The following SYN2 variants were observed in gnomAD, a reference collection of about 807,000 sequenced individuals.
SYN2 encodes synapsin II.
A neutral mutation model predicts 50.9 loss-of-function variants in SYN2; 19 were observed. The ratio of observed to expected loss-of-function variants is 0.37; its 90% CI spans 0.26 to 0.55. The LOEUF (loss-of-function observed/expected upper bound fraction) is 0.55, where lower values mean the gene tolerates loss of function less well. Ranked by LOEUF, SYN2 falls within the 20% of genes least tolerant of loss-of-function variation. The pLI is 0.81. For synonymous variants in SYN2, 255 were observed against 224.9 expected, an observed-to-expected ratio of 1.13 and a Z score of -1.20; for missense variants, 587 against 576.4, an observed-to-expected ratio of 1.02 and a Z score of -0.19.
At chr3:12,154,309 A>G in intron 5 of SYN2, 1 of 1,614,208 alleles carries the variant, frequency 6.2e-7, no homozygotes, top group Non-Finnish European at 8.5e-7. Context: ...AAGACTTTGG[A>G]AATGGACATT....
chr3:12,185,761 C>G, intron 11 of SYN2: 1 of 985,790 alleles, frequency 1.0e-6, no homozygotes, highest in Non-Finnish European at 1.2e-6. Flanking sequence ...TCTGGCTATC[C>G]AAGTATCTGC....
Position 12,190,633 on chromosome 3 carries a change from G to A in SYN2, c.*8G>A. ...AGCCTCTTTTCAGATTAGCTCTTCA[G>A]ACACACGGGGCACCCAGCCCAACCG... On this transcript the variant is annotated 3_prime_UTR_variant, in exon 13 of 13. Transcript: ENST00000621198. The A allele has an allele frequency of 6.2e-7, 1 of 1,610,340 alleles. No homozygotes were observed.
At chr3:12,149,230 A>G (rs2125223131) in intron 4 of SYN2, among the ~76,000 whole-genome samples, 1 of 152,356 alleles carries the variant, frequency 6.6e-6, no homozygotes, top group Non-Finnish European at 1.5e-5. Context: ...GTGCCATGCC[A>G]GAGCGTGGGC....
intron 1 of SYN2, among the ~76,000 whole-genome samples, chr3:12,125,927 T>C (rs1363784601): frequency 6.6e-6 from 1 of 151,532 alleles, no homozygotes; most frequent in African/African-American, 2.4e-5. Context: ...ACAGAGGAGA[T>C]TTTTGCATTG....
chr3:12,154,609 A>G (rs182633798), intron 5 of SYN2, among the ~76,000 whole-genome samples: 25 of 152,324 alleles, frequency 1.6e-4, no homozygotes, highest in Non-Finnish European at 3.4e-4. Flanking sequence ...TAAAACTACT[A>G]TAATCTTTCT....
At chr3:12,188,366 A>C (rs1267424588) in intron 12 of SYN2, among the ~76,000 whole-genome samples, 4 of 152,228 alleles carry the variant, frequency 2.6e-5, no homozygotes, top group Non-Finnish European at 5.9e-5. Context: ...TCTCCCACAG[A>C]GGCCTCTGAT....
intron 9 of SYN2, among the ~76,000 whole-genome samples, chr3:12,169,138 C>T (rs756257981): frequency 7.9e-5 from 12 of 152,150 alleles, no homozygotes; most frequent in South Asian, 6.2e-4. Context: ...CACCTCTCCT[C>T]GCTAGGTGGG....
At chr3:12,026,995 A>G (rs1438162431) in intron 1 of SYN2, among the ~76,000 whole-genome samples, 1 of 152,162 alleles carries the variant, frequency 6.6e-6, no homozygotes, top group Non-Finnish European at 1.5e-5. Context: ...AGGGTGTTGG[A>G]TATACGCGTA....
chr3:12,168,190 T>A (rs1254178856), intron 8 of SYN2, among the ~76,000 whole-genome samples, 186 bp from the exon 9 acceptor site: 2 of 151,276 alleles, frequency 1.3e-5, no homozygotes, highest in African/African-American at 4.9e-5. Context: ...CAAAAATGGG[T>A]AGAATCTGGA....
chr3:12,061,223 A>G (rs1195929077), intron 1 of SYN2, among the ~76,000 whole-genome samples: 1 of 152,150 alleles, frequency 6.6e-6, no homozygotes, highest in African/African-American at 2.4e-5. Context: ...ACATTTAAGA[A>G]TGTGAGATAT....
chr3:12,058,076 G>T (rs1225344646), intron 1 of SYN2, among the ~76,000 whole-genome samples: 2 of 152,080 alleles, frequency 1.3e-5, no homozygotes, highest in Non-Finnish European at 2.9e-5. Context: ...CTTTTCAAAT[G>T]TCCATATTTA....
chr3:12,159,782 C>T (rs963969842), intron 5 of SYN2, among the ~76,000 whole-genome samples: 1 of 152,076 alleles, frequency 6.6e-6, no homozygotes, highest in Admixed American at 6.5e-5. Context: ...GTGGCTCACG[C>T]CTGTAATCTC....
intron 1 of SYN2, among the ~76,000 whole-genome samples, chr3:12,068,621 T>A (rs307587): frequency 0.73 from 110,815 of 152,016 alleles, 40,637 homozygotes; most frequent in Admixed American, 0.8. Context: ...TATTATTTGG[T>A]TGTTGACCTT....
chr3:12,135,630 A>G (rs1293136378), intron 1 of SYN2, among the ~76,000 whole-genome samples: 1 of 152,190 alleles, frequency 6.6e-6, no homozygotes, highest in Non-Finnish European at 1.5e-5. Context: ...TAGCTCCAAT[A>G]TAGACAGAGA....
In SYN2 at chr3:12,191,017, C is replaced by T; in HGVS notation, c.*392C>T. The stretch of plus-strand genomic sequence containing the variant: ...GCTCAGTTGCAGTGCTAAGCATGCC[C>T]CGCCCCCATTCAGTGATACCTGTTT... On this transcript the variant is annotated 3_prime_UTR_variant, in exon 13 of 13. Coordinates refer to ENST00000621198, the MANE Select transcript of SYN2 (RefSeq NM_133625.6). 1.0e-6 allele frequency: 1 copy of T among 1,000,734 alleles called. No homozygotes were observed. Among genetic ancestry groups the T allele is most frequent in the Non-Finnish European group, 1.2e-6 (1 of 840,506 alleles). The allele number at this position is 1,000,734 out of a possible 1,614,324, so 62.0% of individuals were successfully genotyped here. A position where few individuals can be genotyped will look rare whatever the true frequency, so the allele number is the denominator to read the frequency against.
rs1384491783 is a variant in SYN2 at position 12,071,180 on chromosome 3, A to C, written c.377+66252A>C. ...CCGGGCATCACCAACAGGATGCAGA[A>C]GGCAATCACTGCCCTGGCACCCAGC... On this transcript the variant is annotated intron_variant, in intron 1 of 12. Coordinates refer to ENST00000621198, the MANE Select transcript of SYN2 (RefSeq NM_133625.6). 8 of 552,430 alleles carry C rather than the reference A, an allele frequency of 1.4e-5. No individual in the cohort carries two copies. The Admixed American group carries it at 1.5e-4, about 11-fold the overall frequency. 34.2% of individuals were successfully genotyped at this position (552,430 alleles called of 1,614,324 possible).
At chr3:12,189,959 A>G (rs1481941904) in intron 12 of SYN2, among the ~76,000 whole-genome samples, 1 of 152,142 alleles carries the variant, frequency 6.6e-6, no homozygotes, top group Non-Finnish European at 1.5e-5. Flanking sequence ...ACAGATGAGA[A>G]CCCAAAGAGA....
intron 1 of SYN2, among the ~76,000 whole-genome samples, chr3:12,027,029 A>C (rs983890568): frequency 6.6e-6 from 1 of 152,176 alleles, no homozygotes; most frequent in Non-Finnish European, 1.5e-5. Flanking sequence ...ATAAAAGGGT[A>C]GGAGAGTGGG....
At chr3:12,112,937 C>T (rs1308197823) in intron 1 of SYN2, among the ~76,000 whole-genome samples, 1 of 151,980 alleles carries the variant, frequency 6.6e-6, no homozygotes, top group Non-Finnish European at 1.5e-5. Flanking sequence ...GCTGTAAAGA[C>T]CAGGGAATGC....
Sources: allele counts gnomAD v4.1 joint callset (sites outside exome capture counted in the v4.1 genomes callset), GRCh38; gene constraint gnomAD v4.1.1; transcripts MANE v1.5; gene names NCBI Gene and HGNC (gene_info 2026-07-23, HGNC 2026-07-21).